Variants in GALNT13 observed in about 807,000 individuals in gnomAD.
GALNT13 encodes UDP-GalNAc:polypeptide N-acetylgalactosaminyltransferase 13.
Under a neutral mutation model 64.2 loss-of-function variants are expected in GALNT13, and 28 were observed. The ratio of observed to expected loss-of-function variants is 0.44; its 90% CI spans 0.32 to 0.60. The LOEUF is 0.60. GALNT13 is among the 20% of genes least tolerant of loss of function. GALNT13 has a pLI of 0.05. For missense variants in GALNT13, 577 were observed against 669.8 expected (o/e 0.86, Z 1.53); for synonymous variants, 214 against 224.6 (o/e 0.95, Z 0.42).
chr2:154,439,327 A>G (rs1284764261), intron 12 of GALNT13, among the ~76,000 whole-genome samples: 1 of 152,164 alleles, frequency 6.6e-6, no homozygotes, highest in East Asian at 1.9e-4. Flanking sequence ...GGCAGTGTGT[A>G]AAAACCAGAT....
chr2:153,899,916 CAT>C (rs869097034), intron 1 of GALNT13, among the ~76,000 whole-genome samples: 5,623 of 124,940 alleles, frequency 0.045, 253 homozygotes, highest in South Asian at 0.09. Flanking sequence ...GAGATATATA[CAT>C]ATATATATAT....
chr2:154,332,584 C>A (rs907285382), intron 9 of GALNT13, among the ~76,000 whole-genome samples: 2 of 152,016 alleles, frequency 1.3e-5, no homozygotes, highest in East Asian at 3.9e-4. Flanking sequence ...AGTTGAGGAA[C>A]CTCTTTATAA....
chr2:154,365,511 C>A (rs1697317855), intron 9 of GALNT13, among the ~76,000 whole-genome samples: 1 of 152,110 alleles, frequency 6.6e-6, no homozygotes, highest in African/African-American at 2.4e-5. Context: ...TACTATGATT[C>A]ATCCCAAAAT....
At chr2:153,226,431 CT>C in the GALNT13 span, among the ~76,000 whole-genome samples, 1 of 152,124 alleles carries the variant, frequency 6.6e-6, no homozygotes, top group Non-Finnish European at 1.5e-5. Context: ...TTTTTCTCCA[CT>C]TCAGAGTGGA....
At chr2:153,988,069 T>C (rs368809363) in intron 3 of GALNT13, among the ~76,000 whole-genome samples, 31,667 of 143,286 alleles carry the variant, frequency 0.22, 4,311 homozygotes, top group Middle Eastern at 0.35. Context: ...TATATATATA[T>C]ATATACACAC....
the GALNT13 span, among the ~76,000 whole-genome samples, chr2:153,253,302 TTTTGTA>T: frequency 2.7e-5 from 4 of 146,612 alleles, no homozygotes; most frequent in African/African-American, 1.0e-4. Context: ...TGCTTGTGAT[TTTTGTA>T]CATTGATTTT....
chr2:153,859,388 A>C, the GALNT13 span, among the ~76,000 whole-genome samples: 1 of 152,116 alleles, frequency 6.6e-6, no homozygotes, highest in Non-Finnish European at 1.5e-5. Flanking sequence ...ACTGTTCCTA[A>C]CCCTTTTGAC....
chr2:154,253,411 A>G (rs16836379), intron 7 of GALNT13, among the ~76,000 whole-genome samples: 18,657 of 152,186 alleles, frequency 0.12, 1,384 homozygotes, highest in East Asian at 0.35. Flanking sequence ...ACTTCTGGTG[A>G]AAAACTCCAG....
At chr2:154,087,589 C>A (rs1701596768) in intron 3 of GALNT13, among the ~76,000 whole-genome samples, 1 of 152,076 alleles carries the variant, frequency 6.6e-6, no homozygotes, top group Non-Finnish European at 1.5e-5. Flanking sequence ...TCTTATAAAG[C>A]ACAATTATGT....
the GALNT13 span, among the ~76,000 whole-genome samples, chr2:153,392,020 G>GTTTATATAATATATGTGA: frequency 6.8e-6 from 1 of 147,950 alleles, no homozygotes; most frequent in Non-Finnish European, 1.5e-5. Context: ...TTAATTATAT[G>GTTTATATAATATATGTGA]TTTATATAAT....
chr2:153,516,899 C>T, the GALNT13 span, among the ~76,000 whole-genome samples: 2 of 152,132 alleles, frequency 1.3e-5, no homozygotes, highest in African/African-American at 2.4e-5. Context: ...CTCTCTTATC[C>T]TCCCCACAAA....
chr2:153,216,913 T>C, the GALNT13 span, among the ~76,000 whole-genome samples: 5 of 152,030 alleles, frequency 3.3e-5, no homozygotes, highest in Admixed American at 6.6e-5. Flanking sequence ...AATTTTCTTA[T>C]AGAAATCTTA....
chr2:153,933,251 T>C (rs1241949621), intron 2 of GALNT13, among the ~76,000 whole-genome samples: 1 of 152,186 alleles, frequency 6.6e-6, no homozygotes, highest in Non-Finnish European at 1.5e-5. Context: ...TGTGTGGTTA[T>C]CTAAGTCTCT....
chr2:154,157,637 T>C (rs1161888016), intron 4 of GALNT13, among the ~76,000 whole-genome samples: 3 of 152,218 alleles, frequency 2.0e-5, no homozygotes, highest in Non-Finnish European at 4.4e-5. Context: ...ATTTTTCTTT[T>C]CTTATTCCAA....
chr2:154,130,054 A>T (rs1682522454), intron 3 of GALNT13, among the ~76,000 whole-genome samples: 2 of 152,162 alleles, frequency 1.3e-5, no homozygotes, highest in Admixed American at 1.3e-4. Flanking sequence ...CAGTAGGGTT[A>T]TAAAGAAGCA....
At chr2:154,264,030 A>G (rs1270747576) in intron 8 of GALNT13, among the ~76,000 whole-genome samples, 1 of 152,174 alleles carries the variant, frequency 6.6e-6, no homozygotes, top group African/African-American at 2.4e-5. Context: ...ACTTGAGGAG[A>G]TGAAGCTGAG....
chr2:153,525,892 A>G, the GALNT13 span, among the ~76,000 whole-genome samples: 2 of 152,238 alleles, frequency 1.3e-5, no homozygotes, highest in Admixed American at 6.5e-5. Context: ...TGGGCCTTAA[A>G]GAAACATTGT....
the GALNT13 span, among the ~76,000 whole-genome samples, chr2:153,563,909 C>A: frequency 4.6e-5 from 7 of 152,202 alleles, no homozygotes; most frequent in African/African-American, 1.7e-4. Context: ...CACATTGGAA[C>A]CAGTGTATCC....
At chr2:153,439,896 G>A in the GALNT13 span, among the ~76,000 whole-genome samples, 10 of 152,292 alleles carry the variant, frequency 6.6e-5, no homozygotes, top group East Asian at 3.9e-4. Context: ...GAAATCACCC[G>A]TTTTCTGTGT....
Sources: allele counts gnomAD v4.1 joint callset (sites outside exome capture counted in the v4.1 genomes callset), GRCh38; gene constraint gnomAD v4.1.1; transcripts MANE v1.5; gene names NCBI Gene and HGNC (gene_info 2026-07-23, HGNC 2026-07-21).